Variants in FGGY observed in about 807,000 individuals in gnomAD.
FGGY encodes the protein FGGY carbohydrate kinase domain containing.
FGGY carries 72 observed loss-of-function variants against 71.3 expected under a neutral mutation model. The observed-to-expected ratio is 1.01, with a 90% CI of 0.84 to 1.23. The LOEUF (loss-of-function observed/expected upper bound fraction) is 1.23, where lower values mean the gene tolerates loss of function less well. Ranked by LOEUF, FGGY falls within the 50% of genes most tolerant of loss-of-function variation. The pLI is 0.00. For missense variants in FGGY, 668 were observed against 682.3 expected, an observed-to-expected ratio of 0.98 and a Z score of 0.23; for synonymous variants, 251 against 250.3, an observed-to-expected ratio of 1.00 and a Z score of -0.02.
At chr1:59,579,405 T>G (rs1393137638) in intron 8 of FGGY, among the ~76,000 whole-genome samples, 1 of 152,136 alleles carries the variant, frequency 6.6e-6, no homozygotes, top group Non-Finnish European at 1.5e-5. Flanking sequence ...GATATCCTAA[T>G]ATATTTAATC....
In FGGY at chr1:59,687,864, T is replaced by C. The variant is rs548175505; in HGVS notation, c.1512+13731T>C. 7.2e-5 allele frequency among the ~76,000 whole-genome samples: 11 copies of C among 152,292 alleles called. No individual in the cohort carries two copies. In the South Asian group the frequency reaches 2.1e-3, roughly 29 times the overall value. The stretch of plus-strand genomic sequence containing the variant: ...TTGACTGGTAGTCCAGCTACCTGAC[T>C]GGACTCTGACTGATATCATTGCTTT... On this transcript the variant is annotated intron_variant, in intron 14 of 15. Coordinates refer to ENST00000303721, the MANE Select transcript of FGGY (RefSeq NM_018291.5).
At chr1:59,421,631 C>T (rs2065455836) in intron 5 of FGGY, among the ~76,000 whole-genome samples, 1 of 151,412 alleles carries the variant, frequency 6.6e-6, no homozygotes, top group African/African-American at 2.4e-5. Context: ...TTCTGGCCTT[C>T]ATTTGGGCTG....
At chr1:59,740,966 T>C (rs2101291506) in intron 14 of FGGY, among the ~76,000 whole-genome samples, 2 of 152,362 alleles carry the variant, frequency 1.3e-5, no homozygotes, top group East Asian at 3.9e-4. Context: ...AATTTTTGTA[T>C]TGATTACTTG....
chr1:59,617,695 C>T (rs571031197), intron 9 of FGGY, among the ~76,000 whole-genome samples: 2 of 152,210 alleles, frequency 1.3e-5, no homozygotes, highest in African/African-American at 4.8e-5. Flanking sequence ...TTGGCCATCA[C>T]CCTTTCCAGG....
Position 59,716,189 on chromosome 1 carries a change from A to G in FGGY, c.1513-41742A>G, listed in dbSNP as rs1385160827. 2.0e-5 allele frequency among the ~76,000 whole-genome samples: 3 copies of G among 152,348 alleles called. No homozygotes were observed. In the East Asian group the frequency reaches 5.8e-4, roughly 29 times the overall value. ...GACTCCAGAACTTGTGTTAGTCACC[A>G]GTATCTTATATATAATATATATGAA... On this transcript the variant is annotated intron_variant, in intron 14 of 15. Transcript: ENST00000303721.
chr1:59,542,714 C>T (rs1374370284), intron 7 of FGGY, among the ~76,000 whole-genome samples: 1 of 152,060 alleles, frequency 6.6e-6, no homozygotes, highest in African/African-American at 2.4e-5. Flanking sequence ...CCTTGGCCTC[C>T]CAAAGTGCCG....
At chr1:59,641,486 AG>A (rs2097026762) in intron 11 of FGGY, 1 of 671,310 alleles carries the variant, frequency 1.5e-6, no homozygotes, top group Non-Finnish European at 2.6e-6. Context: ...TTCACATAAA[AG>A]TAGGGGAGGT....
At chr1:59,549,066 C>A (rs2095568679) in intron 7 of FGGY, among the ~76,000 whole-genome samples, 2 of 152,188 alleles carry the variant, frequency 1.3e-5, no homozygotes, top group Admixed American at 1.3e-4. Flanking sequence ...TAATGGACTT[C>A]AGTGTCTGCG....
chr1:59,568,872 GTTAGT>G (rs371957430), intron 8 of FGGY, among the ~76,000 whole-genome samples: 3 of 152,010 alleles, frequency 2.0e-5, no homozygotes, highest in African/African-American at 7.2e-5. Context: ...TTATAATTAA[GTTAGT>G]TTAAAGTGAT....
At chr1:59,370,511 A>G (rs576127587) in intron 4 of FGGY, among the ~76,000 whole-genome samples, 1 of 152,260 alleles carries the variant, frequency 6.6e-6, no homozygotes, top group African/African-American at 2.4e-5. Context: ...AACTTCCCCA[A>G]TCTAGCAAGG....
chr1:59,706,855 T>G (rs2097760678), intron 14 of FGGY, among the ~76,000 whole-genome samples: 1 of 152,140 alleles, frequency 6.6e-6, no homozygotes, highest in South Asian at 2.1e-4. Flanking sequence ...GAAGAAGGAG[T>G]AATAATAAAT....
chr1:59,375,193 G>C (rs2058449104), intron 4 of FGGY, among the ~76,000 whole-genome samples: 1 of 147,872 alleles, frequency 6.8e-6, no homozygotes, highest in Non-Finnish European at 1.5e-5. Flanking sequence ...CCGGGGTGCA[G>C]AGGTTGCAGT....
intron 7 of FGGY, among the ~76,000 whole-genome samples, chr1:59,541,528 C>T (rs1558285407): frequency 6.6e-6 from 1 of 152,128 alleles, no homozygotes. Flanking sequence ...GGGGAGTTAC[C>T]ATTCCAAAGA....
intron 1 of FGGY, among the ~76,000 whole-genome samples, chr1:59,314,800 G>T (rs941310922): frequency 6.6e-6 from 1 of 152,200 alleles, no homozygotes; most frequent in African/African-American, 2.4e-5. Context: ...GGGATACAGA[G>T]GTGGATAAGA....
intron 2 of FGGY, among the ~76,000 whole-genome samples, chr1:59,329,919 T>C (rs1195231305): frequency 6.6e-6 from 1 of 152,240 alleles, no homozygotes; most frequent in Non-Finnish European, 1.5e-5. Flanking sequence ...CACATTTTCA[T>C]TATTGTAGAA....
At chr1:59,398,262 A>G (rs1009536984) in intron 5 of FGGY, among the ~76,000 whole-genome samples, 4 of 151,668 alleles carry the variant, frequency 2.6e-5, no homozygotes, top group African/African-American at 9.7e-5. Context: ...TTTTTTTGAG[A>G]CATGGTTTCA....
intron 8 of FGGY, among the ~76,000 whole-genome samples, chr1:59,585,269 A>C (rs540552301): frequency 6.6e-6 from 1 of 152,228 alleles, no homozygotes; most frequent in Admixed American, 6.5e-5. Context: ...ACTTCAAACT[A>C]TACTACCAGG....
At chr1:59,305,197 T>TAA (rs2043272420) in intron 1 of FGGY, among the ~76,000 whole-genome samples, 1 of 152,332 alleles carries the variant, frequency 6.6e-6, no homozygotes, top group East Asian at 1.9e-4. Context: ...TTTGGGCTTG[T>TAA]CATATATAGT....
chr1:59,744,333 G>T (rs1462619860), intron 14 of FGGY, among the ~76,000 whole-genome samples: 3 of 152,176 alleles, frequency 2.0e-5, no homozygotes, highest in Non-Finnish European at 4.4e-5. Flanking sequence ...CGATTCTCCT[G>T]CCTCAGCCTC....
Sources: gnomAD v4.1 joint callset for allele counts (sites outside exome capture counted in the v4.1 genomes callset) on GRCh38, gnomAD v4.1.1 for gene constraint, MANE v1.5 for transcripts, NCBI Gene and HGNC (gene_info 2026-07-23, HGNC 2026-07-21) for gene names.